ZMAT4: variants seen among roughly 807,000 people sequenced by gnomAD.
ZMAT4 encodes the protein zinc finger matrin-type 4, also known as zinc finger matrin-type protein 4.
In ZMAT4, 17 loss-of-function variants were observed where a neutral mutation model predicts 28.7. The observed-to-expected ratio is 0.59, with a 90% CI of 0.41 to 0.89. The LOEUF (loss-of-function observed/expected upper bound fraction) is 0.89. Among genes scored for constraint, ZMAT4 ranks in the 40% least tolerant of loss-of-function variants. ZMAT4 has a pLI of 0.00. For synonymous variants in ZMAT4, 117 were observed against 109.2 expected (o/e 1.07, Z -0.44); for missense variants, 240 against 283.8 (o/e 0.85, Z 1.11).
intron 2 of ZMAT4, among the ~76,000 whole-genome samples, chr8:40,784,438 T>C (rs1813979351): frequency 1.3e-5 from 2 of 152,106 alleles, no homozygotes; most frequent in South Asian, 4.1e-4. Flanking sequence ...ACAGGTTATA[T>C]GAAAAATCGA....
chr8:40,879,086 T>G (rs1392622737), intron 1 of ZMAT4, among the ~76,000 whole-genome samples: 4 of 152,206 alleles, frequency 2.6e-5, no homozygotes, highest in Admixed American at 2.0e-4. Context: ...CTGTGCCTGA[T>G]GCTGTCTCCA....
At chr8:40,642,284 C>T (rs978052180) in intron 5 of ZMAT4, among the ~76,000 whole-genome samples, 4 of 152,118 alleles carry the variant, frequency 2.6e-5, no homozygotes, top group South Asian at 4.1e-4. Context: ...CACCAAATGG[C>T]GCACTGTTCT....
At chr8:40,580,229 G>C (rs550744097) in intron 6 of ZMAT4, among the ~76,000 whole-genome samples, 41 of 151,948 alleles carry the variant, frequency 2.7e-4, no homozygotes, top group Non-Finnish European at 5.6e-4. Flanking sequence ...GGCCAGGATG[G>C]TCTCTATCTG....
chr8:40,820,933 AGTG>A, intron 2 of ZMAT4, among the ~76,000 whole-genome samples: 1 of 8,268 alleles, frequency 1.2e-4, no homozygotes, highest in Non-Finnish European at 3.0e-4. Flanking sequence ...GTGTGTAGGA[AGTG>A]GGGGGCATAT....
At chr8:40,566,705 A>G (rs910409607) in intron 6 of ZMAT4, among the ~76,000 whole-genome samples, 51 of 152,220 alleles carry the variant, frequency 3.4e-4, no homozygotes, top group African/African-American at 1.2e-3. Context: ...TACTGACCAA[A>G]AGCTAGATTT....
chr8:40,777,384 T>C (rs1183515203), intron 2 of ZMAT4, among the ~76,000 whole-genome samples: 1 of 152,198 alleles, frequency 6.6e-6, no homozygotes, highest in African/African-American at 2.4e-5. Flanking sequence ...CTAATCTGAA[T>C]TCAGACCATA....
chr8:40,706,369 A>C lies in ZMAT4; in HGVS notation c.193-8968T>G, dbSNP rs549122964. Among the ~76,000 whole-genome samples the C allele has an allele frequency of 1.6e-4, 25 of 152,348 alleles. No homozygotes were observed. In the Middle Eastern group the frequency reaches 0.014, roughly 83 times the overall value. On this transcript the variant is annotated intron_variant, in intron 3 of 6. Coordinates refer to ENST00000297737, the MANE Select transcript of ZMAT4 (RefSeq NM_024645.3). The stretch of plus-strand genomic sequence containing the variant: ...GCGCCCAGCCAGAACTAATTATTAA[A>C]TATCAGTTGAACTTAAAAATGAATG...
At chr8:40,842,025 C>T (rs75599194) in intron 1 of ZMAT4, among the ~76,000 whole-genome samples, 1 of 152,132 alleles carries the variant, frequency 6.6e-6, no homozygotes. Flanking sequence ...GAAAATGATG[C>T]CTCTGTGATC....
chr8:40,555,820 C>A (rs1033791793), intron 6 of ZMAT4, among the ~76,000 whole-genome samples: 8 of 152,184 alleles, frequency 5.3e-5, no homozygotes, highest in African/African-American at 1.9e-4. Flanking sequence ...GAGTGGGTCC[C>A]TCCTCCTACT....
chr8:40,654,631 A>T (rs1807835137), intron 5 of ZMAT4, among the ~76,000 whole-genome samples: 1 of 152,188 alleles, frequency 6.6e-6, no homozygotes, highest in South Asian at 2.1e-4. Context: ...TGGAAGTTAC[A>T]CCAGGAATGC....
chr8:40,582,757 G>T (rs1483731898), intron 5 of ZMAT4, among the ~76,000 whole-genome samples: 1 of 152,146 alleles, frequency 6.6e-6, no homozygotes, highest in East Asian at 1.9e-4. Context: ...TTGTGGGGAG[G>T]GCTGAGTGAG....
At chr8:40,596,889 G>C (rs1201292734) in intron 5 of ZMAT4, among the ~76,000 whole-genome samples, 1 of 152,212 alleles carries the variant, frequency 6.6e-6, no homozygotes, top group East Asian at 1.9e-4. Flanking sequence ...GCATAGGGCA[G>C]TGCATAAAGT....
chr8:40,607,879 A>T (rs1317283168), intron 5 of ZMAT4, among the ~76,000 whole-genome samples: 1 of 151,644 alleles, frequency 6.6e-6, no homozygotes, highest in African/African-American at 2.4e-5. Flanking sequence ...CTGGGATGTG[A>T]TTTCTCTTCA....
chr8:40,721,112 A>G (rs1432616874), intron 3 of ZMAT4, among the ~76,000 whole-genome samples: 17 of 128,216 alleles, frequency 1.3e-4, no homozygotes, highest in East Asian at 2.5e-4. Context: ...ATATCTCCCA[A>G]TGCTATCCCT....
At chr8:40,615,346 G>T (rs1186808002) in intron 5 of ZMAT4, among the ~76,000 whole-genome samples, 2 of 152,086 alleles carry the variant, frequency 1.3e-5, no homozygotes, top group Non-Finnish European at 2.9e-5. Flanking sequence ...TTTCTCTCTG[G>T]CTGCCCTTAA....
intron 2 of ZMAT4, among the ~76,000 whole-genome samples, chr8:40,823,333 C>A (rs957680947): frequency 6.6e-6 from 1 of 152,100 alleles, no homozygotes; most frequent in Admixed American, 6.5e-5. Flanking sequence ...GGGACAAATT[C>A]CCCCATTTCC....
Position 40,788,510 on chromosome 8 carries a change from A to AG in ZMAT4, c.103-20781dup, listed in dbSNP as rs536274780. Among the ~76,000 whole-genome samples, 608 of 152,250 alleles carry AG rather than the reference A, an allele frequency of 4.0e-3. 4 individuals are homozygous for AG. The highest frequency in any genetic ancestry group is 0.014 in the African/African-American group (580 of 41,558). On this transcript the variant is annotated intron_variant, in intron 2 of 6. Transcript: ENST00000297737. ...TGAGGCAGAAGAATGGCGTGAACCC[A>AG]GTAGGCAGAGCTTGCAGTGAGCTGA... is the stretch of plus-strand genomic sequence containing the variant.
At chr8:40,641,306 G>T (rs1807016953) in intron 5 of ZMAT4, among the ~76,000 whole-genome samples, 1 of 152,154 alleles carries the variant, frequency 6.6e-6, no homozygotes, top group African/African-American at 2.4e-5. Context: ...CTGAGGCTTT[G>T]ATGTCACAAT....
chr8:40,842,613 A>T (rs1816741850), intron 1 of ZMAT4, among the ~76,000 whole-genome samples: 1 of 152,122 alleles, frequency 6.6e-6, no homozygotes, highest in Admixed American at 6.5e-5. Flanking sequence ...TTTACAAGTC[A>T]TCCTCACCTG....
Sources: allele counts gnomAD v4.1 joint callset (sites outside exome capture counted in the v4.1 genomes callset), GRCh38; gene constraint gnomAD v4.1.1; transcripts MANE v1.5; gene names NCBI Gene and HGNC (gene_info 2026-07-23, HGNC 2026-07-21).